TMTC3: variants seen among roughly 807,000 people sequenced by gnomAD.
TMTC3 encodes the protein protein O-mannosyl-transferase TMTC3.
In TMTC3, 52 loss-of-function variants were observed where a neutral mutation model predicts 92.2. That is an observed-to-expected ratio of 0.56 (90% confidence interval 0.45 to 0.71). The LOEUF is 0.71. Ranked by LOEUF, TMTC3 falls within the 30% of genes least tolerant of loss-of-function variation. The pLI is 0.00. For synonymous variants in TMTC3, 339 were observed against 363.3 expected, an observed-to-expected ratio of 0.93 and a Z score of 0.76; for missense variants, 896 against 1,057.1, an observed-to-expected ratio of 0.85 and a Z score of 2.11.
At position 88,197,392 on chromosome 12, in the gene TMTC3, G is replaced by GTGAC. The variant is rs1253080334; in HGVS notation, c.*1745_*1748dup. The stretch of plus-strand genomic sequence containing the variant: ...AATTTCAGTTCTTAGGTTATGGCTT[G>GTGAC]TGACTCCAGATAAAAGATGGAGAAT... On this transcript the variant is annotated 3_prime_UTR_variant, in exon 14 of 14. Transcript: ENST00000266712. 5 of 149,932 alleles carry GTGAC rather than the reference G, an allele frequency of 3.3e-5. No individual in the cohort carries two copies. Among genetic ancestry groups the GTGAC allele is most frequent in the Non-Finnish European group, 7.4e-5 (5 of 67,486 alleles). 9.3% of individuals were successfully genotyped at this position (149,932 alleles called of 1,614,324 possible).
rs548637919 is a variant in TMTC3 at position 88,148,840 on chromosome 12, A to G, written c.189+336A>G. 1.1e-4 allele frequency among the ~76,000 whole-genome samples: 17 copies of G among 152,152 alleles called. No homozygotes were observed. In the South Asian group the frequency reaches 3.5e-3, roughly 32 times the overall value. ...TTTGGGGTACCAATCTGTCACCCAGACAGCGAGTATAGTACCCAATAGGTA... is the reference window on the plus strand; with the variant it reads ...TTTGGGGTACCAATCTGTCACCCAGGCAGCGAGTATAGTACCCAATAGGTA... On this transcript the variant is annotated intron_variant, in intron 2 of 13. Coordinates refer to ENST00000266712, the MANE Select transcript of TMTC3 (RefSeq NM_181783.4).
chr12:88,165,836 CT>C (rs1309150053), intron 6 of TMTC3, among the ~76,000 whole-genome samples: 1 of 152,070 alleles, frequency 6.6e-6, no homozygotes. Context: ...GGTTTTCTCT[CT>C]CCATGACAGA....
intron 6 of TMTC3, 101 bp downstream of exon 6, chr12:88,160,952 G>T: frequency 8.2e-7 from 1 of 1,226,732 alleles, no homozygotes; most frequent in Non-Finnish European, 1.1e-6. Flanking sequence ...TTTTTTAACA[G>T]TTTTATTAAG....
Position 88,197,328 on chromosome 12 carries a change from G to A in TMTC3, c.*1679G>A, listed in dbSNP as rs1048180831. 1 of 133,094 alleles carries A rather than the reference G, an allele frequency of 7.5e-6. No homozygotes were observed. The highest frequency in any genetic ancestry group is 2.8e-5 in the African/African-American group (1 of 35,150). 8.2% of individuals were successfully genotyped at this position (133,094 alleles called of 1,614,324 possible). On this transcript the variant is annotated 3_prime_UTR_variant, in exon 14 of 14. Coordinates refer to ENST00000266712, the MANE Select transcript of TMTC3 (RefSeq NM_181783.4). ...ACTGATACCAGTGGGAGTTGGTCTT[G>A]ATCTAGGAGATTCTGTTAAGCATCC...
Position 88,195,643 on chromosome 12 carries a change from T to C in TMTC3, c.2739T>C (p.Gly913=). 6.3e-7 allele frequency: 1 copy of C among 1,583,166 alleles called. No individual in the cohort carries two copies. The highest frequency in any genetic ancestry group is 8.6e-7 in the Non-Finnish European group (1 of 1,168,262). Residue 913 remains glycine, a synonymous_variant, in exon 14 of 14, where the codon GGT becomes GGC. Transcript: ENST00000266712. The part of the protein sequence containing the change: ...RLEEIERILN[G]E ...AAGAGATTGAACGTATTTTAAATGG[T>C]GAATAACATTAATATTTATCGTGAC... is the stretch of plus-strand genomic sequence containing the variant.
chr12:88,159,039 C>G lies in TMTC3; in HGVS notation c.509-1075C>G, dbSNP rs996072768. Among the ~76,000 whole-genome samples, 172 of 127,828 alleles carry G rather than the reference C, an allele frequency of 1.3e-3. 1 individual carries two copies. Among genetic ancestry groups the G allele is most frequent in the Admixed American group, 9.7e-5 (1 of 10,350 alleles). 83.9% of individuals were successfully genotyped at this position (127,828 alleles called of 152,430 possible). On this transcript the variant is annotated intron_variant, in intron 4 of 13. Coordinates refer to ENST00000266712, the MANE Select transcript of TMTC3 (RefSeq NM_181783.4). ...TGCACTGTAGCCTGGGCAACAAGAG[C>G]GAAACTCTGTCTCAAAAAAAAAAAA...
At chr12:88,146,312 T>C (rs1264003773) in intron 1 of TMTC3, among the ~76,000 whole-genome samples, 1 of 152,150 alleles carries the variant, frequency 6.6e-6, no homozygotes, top group Non-Finnish European at 1.5e-5. Flanking sequence ...ATTCAGGATG[T>C]ACCTTGCTTG....
rs1457600856 is a variant in TMTC3, at chr12:88,197,373, A to G, written c.*1724A>G. 1 of 149,594 alleles carries G rather than the reference A, an allele frequency of 6.7e-6. No homozygotes were observed. The highest frequency in any genetic ancestry group is 1.5e-5 in the Non-Finnish European group (1 of 67,480). 9.3% of individuals were successfully genotyped at this position (149,594 alleles called of 1,614,324 possible). A position where few individuals can be genotyped will look rare whatever the true frequency, so the allele number is the denominator to read the frequency against. On this transcript the variant is annotated 3_prime_UTR_variant, in exon 14 of 14. Coordinates refer to ENST00000266712, the MANE Select transcript of TMTC3 (RefSeq NM_181783.4). ...GCATCCAAAAACAATGCCTAATTTC[A>G]GTTCTTAGGTTATGGCTTGTGACTC...
intron 8 of TMTC3, among the ~76,000 whole-genome samples, chr12:88,174,105 T>C (rs1352985442): frequency 6.6e-6 from 1 of 152,132 alleles, no homozygotes; most frequent in Non-Finnish European, 1.5e-5. Flanking sequence ...TTTGCCTCTG[T>C]TTAATGAAGA....
At chr12:88,154,440 A>G in intron 4 of TMTC3, 53 bp downstream of exon 4, 1 of 1,276,232 alleles carries the variant, frequency 7.8e-7, no homozygotes, top group Non-Finnish European at 1.1e-6. Context: ...TTGATTAAGG[A>G]ATTTTTATTT....
chr12:88,160,634 G>A (rs2041065216), intron 5 of TMTC3, 45 bp from the exon 6 acceptor site: 2 of 1,539,644 alleles, frequency 1.3e-6, no homozygotes, highest in South Asian at 1.1e-5. Flanking sequence ...AAAACATTGA[G>A]ATATGTCGTT....
At chr12:88,157,540 C>A (rs1565945376) in intron 4 of TMTC3, among the ~76,000 whole-genome samples, 1 of 151,912 alleles carries the variant, frequency 6.6e-6, no homozygotes, top group Admixed American at 6.6e-5. Flanking sequence ...ATTTTTATTT[C>A]CCTTCATCCT....
chr12:88,185,490 A>G (rs2041367094), intron 10 of TMTC3, among the ~76,000 whole-genome samples: 1 of 152,060 alleles, frequency 6.6e-6, no homozygotes, highest in Non-Finnish European at 1.5e-5. Context: ...TTACCTGTTG[A>G]TGGATGTTTG....
At chr12:88,146,590 T>TG (rs2040877108) in intron 1 of TMTC3, among the ~76,000 whole-genome samples, 1 of 72,092 alleles carries the variant, frequency 1.4e-5, no homozygotes, top group Non-Finnish European at 4.0e-5. Context: ...TACCTATATA[T>TG]TTGTGTGTGT....
At chr12:88,194,294 G>A (rs555648012) in intron 13 of TMTC3, among the ~76,000 whole-genome samples, 5 of 152,156 alleles carry the variant, frequency 3.3e-5, no homozygotes, top group Admixed American at 6.6e-5. Context: ...TTTTGTCCTC[G>A]AAACATTCCT....
rs914114763 is a variant in TMTC3, at chr12:88,196,847, T to C, written c.*1198T>C. On this transcript the variant is annotated 3_prime_UTR_variant, in exon 14 of 14. Coordinates refer to ENST00000266712, the MANE Select transcript of TMTC3 (RefSeq NM_181783.4). Reference sequence around the variant, plus strand: ...TCATTTTTGGCCTAATGTCTGGATATAAAAGATAATTAGCCTACTATAGTA... The same window carrying C: ...TCATTTTTGGCCTAATGTCTGGATACAAAAGATAATTAGCCTACTATAGTA... The C allele has an allele frequency of 6.6e-6, 1 of 151,870 alleles. No individual in the cohort carries two copies. Among genetic ancestry groups the C allele is most frequent in the Non-Finnish European group, 1.5e-5 (1 of 67,796 alleles). The allele number at this position is 151,870 out of a possible 1,614,324, so 9.4% of individuals were successfully genotyped here. A position where few individuals can be genotyped will look rare whatever the true frequency, so the allele number is the denominator to read the frequency against.
chr12:88,162,956 C>A (rs190089898), intron 6 of TMTC3, among the ~76,000 whole-genome samples: 38 of 150,728 alleles, frequency 2.5e-4, no homozygotes, highest in Admixed American at 2.4e-3. Context: ...CTTTTGTTGC[C>A]CAGGGCTGGA....
chr12:88,194,078 A>C (rs1219279885), intron 13 of TMTC3, among the ~76,000 whole-genome samples: 1 of 151,972 alleles, frequency 6.6e-6, no homozygotes. Context: ...TAAAATCAGC[A>C]AGAAATGATG....
rs373264776 is a variant in TMTC3, at chr12:88,174,692, G to A, written c.1285G>A (p.Glu429Lys). 2.9e-5 allele frequency: 47 copies of A among 1,612,538 alleles called. 1 individual carries two copies. In the African/African-American group the frequency reaches 5.6e-4, roughly 19 times the overall value. The change falls in exon 9 of 14, where the codon GAG (glutamate) becomes AAG (lysine). Residue 429 changes from glutamate to lysine, a missense_variant. Glu to Lys is a moderately conservative substitution (Grantham distance 56). Coordinates refer to ENST00000266712, the MANE Select transcript of TMTC3 (RefSeq NM_181783.4). ...LKTFHRNWDWESEYTLFMSAL... is the reference protein window; with the variant it reads ...LKTFHRNWDWKSEYTLFMSAL... ...AACATTCCACAGAAATTGGGATTGG[G>A]AGTCTGAATATACATTGTTTATGTC...
Sources: gnomAD v4.1 joint callset for allele counts (sites outside exome capture counted in the v4.1 genomes callset) on GRCh38, gnomAD v4.1.1 for gene constraint, MANE v1.5 for transcripts, NCBI Gene and HGNC (gene_info 2026-07-23, HGNC 2026-07-21) for gene names.